Variants in MYEOV observed in about 807,000 individuals in gnomAD.
MYEOV encodes myeloma overexpressed.
A neutral mutation model predicts 4.5 loss-of-function variants in MYEOV; 4 were observed. The observed-to-expected ratio is 0.89, with a 90% CI of 0.44 to 2.03. The LOEUF (loss-of-function observed/expected upper bound fraction) is 2.03, where lower values mean the gene tolerates loss of function less well. MYEOV is among the 30% of genes most tolerant of loss of function. The pLI is 0.03. For missense variants in MYEOV, 408 were observed against 412.8 expected, an observed-to-expected ratio of 0.99 and a Z score of 0.10; for synonymous variants, 184 against 170.3, an observed-to-expected ratio of 1.08 and a Z score of -0.63.
Position 69,297,018 on chromosome 11 carries a change from G to A in MYEOV, c.*626G>A, listed in dbSNP as rs1358381042. 2 of 152,224 alleles carry A rather than the reference G, an allele frequency of 1.3e-5. No individual in the cohort carries two copies. The highest frequency in any genetic ancestry group is 1.5e-5 in the Non-Finnish European group (1 of 68,050). 9.4% of individuals were successfully genotyped at this position (152,224 alleles called of 1,614,324 possible). A position where few individuals can be genotyped will look rare whatever the true frequency, so the allele number is the denominator to read the frequency against. ...AGGGAGAAATCTAAGGCGTCAGAAT[G>A]TAAGGTTCTTATTGGAACCCAGGCT... On this transcript the variant is annotated 3_prime_UTR_variant, in exon 3 of 3. Coordinates refer to ENST00000441339, the MANE Select transcript of MYEOV (RefSeq NM_001293291.2).
Position 69,295,324 on chromosome 11 carries a change from T to C in MYEOV, c.-31T>C. 6.4e-7 allele frequency: 1 copy of C among 1,565,424 alleles called. No individual in the cohort carries two copies. The highest frequency in any genetic ancestry group is 8.7e-7 in the Non-Finnish European group (1 of 1,154,432). The stretch of plus-strand genomic sequence containing the variant: ...ACCTCTAACAACTTCCCCTGGCACT[T>C]AGGACAGCGTCTGGCTCCTTCCCTC... On this transcript the variant is annotated 5_prime_UTR_variant, in exon 2 of 3. It removes the in-frame stop codon of an upstream open reading frame in the 5' UTR. Transcript: ENST00000441339. The surrounding 1 kb of genome is among the most constrained non-coding windows in gnomAD (Gnocchi z 4.1).
At position 69,296,014 on chromosome 11, in the gene MYEOV, T is replaced by C. The variant is rs758817937; in HGVS notation, c.564T>C (p.His188=). 1.4e-5 allele frequency: 22 copies of C among 1,613,976 alleles called. No individual in the cohort carries two copies. The highest frequency in any genetic ancestry group is 1.6e-4 in the Middle Eastern group (1 of 6,084). Residue 188 remains histidine, a synonymous_variant, in exon 3 of 3, where the codon CAT becomes CAC. Transcript: ENST00000441339. ...SSCPEEVHGR[H]GLSMEIMWAR... is the part of the protein sequence containing the mutation. Reference sequence around the variant, plus strand: ...GCCCTGAGGAGGTGCATGGGCGGCATGGGCTCTCCATGGAAATTATGTGGG... The same window carrying C: ...GCCCTGAGGAGGTGCATGGGCGGCACGGGCTCTCCATGGAAATTATGTGGG...
Position 69,296,535 on chromosome 11 carries a change from A to C in MYEOV, c.*143A>C, listed in dbSNP as rs551405039. Reference sequence around the variant, plus strand: ...AGCTCAACAAGTTGCCTAAGTTCCAAGTTTCCTCTCCCAACTCTCCTACCC... The same window carrying C: ...AGCTCAACAAGTTGCCTAAGTTCCACGTTTCCTCTCCCAACTCTCCTACCC... On this transcript the variant is annotated 3_prime_UTR_variant, in exon 3 of 3. Transcript: ENST00000441339. 1.8e-6 allele frequency: 1 copy of C among 562,998 alleles called. No homozygotes were observed. The highest frequency in any genetic ancestry group is 3.1e-5 in the South Asian group (1 of 32,432). 34.9% of individuals were successfully genotyped at this position (562,998 alleles called of 1,614,324 possible). A position where few individuals can be genotyped will look rare whatever the true frequency, so the allele number is the denominator to read the frequency against.
Position 69,295,686 on chromosome 11 carries a change from GC to G in MYEOV, c.238del (p.Leu80SerfsTer11). The G allele has an allele frequency of 6.2e-7, 1 of 1,614,144 alleles. No individual in the cohort carries two copies. The highest frequency in any genetic ancestry group is 8.5e-7 in the Non-Finnish European group (1 of 1,180,034). ...TCCAAAGCCGGCAGATCCCGGGGCC[GC>G]CTCTGTCTCTCCCAGGCCCTGCGTG... ...EGSKAGRSRG[R>X]LCLSQALRVA... On this transcript the variant is annotated frameshift_variant, in exon 3 of 3. Transcript: ENST00000441339. The surrounding 1 kb of genome is among the most constrained non-coding windows in gnomAD (Gnocchi z 4.1).
At position 69,296,276 on chromosome 11, in the gene MYEOV, G is replaced by A. The variant is rs773514356; in HGVS notation, c.826G>A (p.Val276Ile). 3.8e-6 allele frequency: 6 copies of A among 1,572,742 alleles called. No homozygotes were observed. Among genetic ancestry groups the A allele is most frequent in the East Asian group, 4.5e-5 (2 of 44,488 alleles). The stretch of plus-strand genomic sequence containing the variant: ...GGCCCTGGGGGGGTGGCGCATGGGA[G>A]TTAGGAGGACTGGCCAGGTGGGGCC... ...VEALGGWRMG[V>I]RRTGQVGPTM... The change falls in exon 3 of 3, where the codon GTT becomes ATT. Residue 276 changes from valine to isoleucine, a missense_variant. Coordinates refer to ENST00000441339, the MANE Select transcript of MYEOV (RefSeq NM_001293291.2).
chr11:69,296,067 C>T lies in MYEOV; in HGVS notation c.617C>T (p.Pro206Leu). The T allele has an allele frequency of 6.2e-7, 1 of 1,614,174 alleles. No homozygotes were observed. The highest frequency in any genetic ancestry group is 8.5e-7 in the Non-Finnish European group (1 of 1,180,032). Reference sequence around the variant, plus strand: ...CGAATGGATGTGGCTCTGCGCTCACCTGGGCGAGGACTTCTGGCCGGTGCC... The same window carrying T: ...CGAATGGATGTGGCTCTGCGCTCACTTGGGCGAGGACTTCTGGCCGGTGCC... ...WARMDVALRS[P>L]GRGLLAGAGA... is the part of the protein sequence containing the mutation. Residue 206 changes from proline to leucine, a missense_variant, in exon 3 of 3, where the codon CCT becomes CTT. Coordinates refer to ENST00000441339, the MANE Select transcript of MYEOV (RefSeq NM_001293291.2).
At position 69,296,339 on chromosome 11, in the gene MYEOV, C is replaced by G. The variant is rs779995190; in HGVS notation, c.889C>G (p.Leu297Val). ...ACCCCCAGTGTCAGGTGCTTCTCCT[C>G]TCCTCCTCCACCACCTCCTCCTCCT... ...HPPPVSGASP[L>V]LLHHLLLLLL... The change falls in exon 3 of 3, where the codon CTC (leucine) becomes GTC (valine). Residue 297 changes from leucine (L) to valine (V), a missense_variant. By Grantham distance (32) the Leu-to-Val change is conservative. Transcript: ENST00000441339. 10 of 1,501,652 alleles carry G rather than the reference C, an allele frequency of 6.7e-6. No individual in the cohort carries two copies. Among genetic ancestry groups the G allele is most frequent in the Admixed American group, 2.4e-5 (1 of 41,406 alleles). 93.0% of individuals were successfully genotyped at this position (1,501,652 alleles called of 1,614,324 possible). A position where few individuals can be genotyped will look rare whatever the true frequency, so the allele number is the denominator to read the frequency against.
At position 69,295,894 on chromosome 11, in the gene MYEOV, G is replaced by A. The variant is rs1387466625; in HGVS notation, c.444G>A (p.Gly148=). The A allele has an allele frequency of 2.5e-6, 4 of 1,614,192 alleles. No individual in the cohort carries two copies. The highest frequency in any genetic ancestry group is 2.2e-5 in the East Asian group (1 of 44,866). The change falls in exon 3 of 3, where the codon GGG becomes GGA. Residue 148 remains glycine, a synonymous_variant. Transcript: ENST00000441339. This position sits in a 1 kb window ranked among gnomAD's most constrained non-coding sequence, Gnocchi z 4.1. ...DAPQGTLCGT[G]NRNSGSQSAR... ...CACAAGGCACTCTGTGTGGCACTGGGAACAGGAATTCTGGGAGTCAGTCTG... is the reference window on the plus strand; with the variant it reads ...CACAAGGCACTCTGTGTGGCACTGGAAACAGGAATTCTGGGAGTCAGTCTG...
rs778690431 is a variant in MYEOV, at chr11:69,296,180, A to G, written c.730A>G (p.Thr244Ala). ...ATGCCTGACCCTCCACCGGCACCCC[A>G]CCCCTCACTGCTCCACCTGGGGCCT... is the stretch of plus-strand genomic sequence containing the variant. ...RACLTLHRHP[T>A]PHCSTWGLPL... The change falls in exon 3 of 3, where the codon ACC becomes GCC. Residue 244 changes from threonine to alanine, a missense_variant. Thr to Ala is a moderately conservative substitution (Grantham distance 58, BLOSUM62 0). Transcript: ENST00000441339. The G allele has an allele frequency of 6.2e-7, 1 of 1,613,594 alleles. No individual in the cohort carries two copies. Among genetic ancestry groups the G allele is most frequent in the South Asian group, 1.1e-5 (1 of 91,028 alleles).
In MYEOV at chr11:69,295,455, G is replaced by T. The variant is rs759458008; in HGVS notation, c.101G>T (p.Cys34Phe). 1 of 1,614,144 alleles carries T rather than the reference G, an allele frequency of 6.2e-7. No individual in the cohort carries two copies. The highest frequency in any genetic ancestry group is 8.5e-7 in the Non-Finnish European group (1 of 1,180,030). ...GAACAGTCTCCCTCCTGGTGTCATT[G>T]TCTCCGTGGTGTGTCCTTCCTGACC... Reference protein sequence around the residue: ...CLEQSPSWCHCLRGVSFLTFH... With the variant: ...CLEQSPSWCHFLRGVSFLTFH... The change falls in exon 2 of 3, where the codon TGT becomes TTT. Residue 34 changes from cysteine to phenylalanine, a missense_variant. By Grantham distance (205) the Cys-to-Phe change is radical. Transcript: ENST00000441339. This position sits in a 1 kb window ranked among gnomAD's most constrained non-coding sequence, Gnocchi z 4.1.
At position 69,296,346 on chromosome 11, in the gene MYEOV, T is replaced by TCCA. The variant is rs1269810080; in HGVS notation, c.902_904dup (p.His301dup). On this transcript the variant is annotated inframe_insertion, in exon 3 of 3. Coordinates refer to ENST00000441339, the MANE Select transcript of MYEOV (RefSeq NM_001293291.2). ...GTGTCAGGTGCTTCTCCTCTCCTCC[T>TCCA]CCACCACCTCCTCCTCCTCCTCCTC... The TCCA allele has an allele frequency of 3.3e-6, 5 of 1,493,078 alleles. No individual in the cohort carries two copies. The highest frequency in any genetic ancestry group is 4.5e-6 in the Non-Finnish European group (5 of 1,120,904). 92.5% of individuals were successfully genotyped at this position (1,493,078 alleles called of 1,614,324 possible). A position where few individuals can be genotyped will look rare whatever the true frequency, so the allele number is the denominator to read the frequency against.
Position 69,296,198 on chromosome 11 carries a change from T to A in MYEOV, c.748T>A (p.Trp250Arg), listed in dbSNP as rs1855191638. The A allele has an allele frequency of 6.2e-7, 1 of 1,613,010 alleles. No individual in the cohort carries two copies. Among genetic ancestry groups the A allele is most frequent in the South Asian group, 1.1e-5 (1 of 90,954 alleles). ...HRHPTPHCST[W>R]GLPLRVAGSW... The stretch of plus-strand genomic sequence containing the variant: ...GCACCCCACCCCTCACTGCTCCACC[T>A]GGGGCCTGCCTCTGCGGGTGGCTGG... Residue 250 changes from tryptophan to arginine, a missense_variant, in exon 3 of 3, where the codon TGG becomes AGG. Transcript: ENST00000441339.
chr11:69,295,583 TG>T lies in MYEOV; in HGVS notation c.142-8del, dbSNP rs1855159745. ...TGTCTGATTTATTCATCGGTTTTCT[TG>T]TCTGTAGTCTGTCCCCCTTGGGGAC... is the stretch of plus-strand genomic sequence containing the variant. On this transcript the variant is annotated splice_polypyrimidine_tract_variant and splice_region_variant and intron_variant, in intron 2 of 2. Transcript: ENST00000441339. The surrounding 1 kb of genome is among the most constrained non-coding windows in gnomAD (Gnocchi z 4.1). The T allele has an allele frequency of 6.2e-7, 1 of 1,612,448 alleles. No homozygotes were observed. Among genetic ancestry groups the T allele is most frequent in the Non-Finnish European group, 8.5e-7 (1 of 1,179,040 alleles).
intron 1 of MYEOV, among the ~76,000 whole-genome samples, chr11:69,294,942 G>A (rs764722755): frequency 2.0e-5 from 3 of 152,212 alleles, no homozygotes; most frequent in Non-Finnish European, 4.4e-5. Flanking sequence ...GAGGGCAGCC[G>A]TCCCCATGGT....
At position 69,296,141 on chromosome 11, in the gene MYEOV, A is replaced by G; in HGVS notation, c.691A>G (p.Arg231Gly). Residue 231 changes from arginine to glycine, a missense_variant, in exon 3 of 3, where the codon AGG becomes GGG. By Grantham distance (125) the Arg-to-Gly change is moderately radical. Transcript: ENST00000441339. ...LAESSCPDYE[R>G]GRRACLTLHR... is the part of the protein sequence containing the mutation. The stretch of plus-strand genomic sequence containing the variant: ...AGAATCGAGCTGCCCTGACTATGAA[A>G]GGGGAAGAAGAGCATGCCTGACCCT... 1 of 1,614,076 alleles carries G rather than the reference A, an allele frequency of 6.2e-7. No homozygotes were observed. The highest frequency in any genetic ancestry group is 8.5e-7 in the Non-Finnish European group (1 of 1,179,998).
chr11:69,294,948 A>G (rs1015694322), intron 1 of MYEOV, among the ~76,000 whole-genome samples: 2 of 152,120 alleles, frequency 1.3e-5, no homozygotes, highest in Non-Finnish European at 2.9e-5. Context: ...AGCCGTCCCC[A>G]TGGTCCCTAG....
rs1469781848 is a variant in MYEOV at position 69,294,212 on chromosome 11, CAAGT to C, written c.-486_-483del. Reference sequence around the variant, plus strand: ...GCAGGAAAGTATGCTTGGGAGAGGCCAAGTGAGTGGGGAATCAGCCCAAAGCCAG... The same window carrying C: ...GCAGGAAAGTATGCTTGGGAGAGGCCGAGTGGGGAATCAGCCCAAAGCCAG... On this transcript the variant is annotated 5_prime_UTR_variant, in exon 1 of 3. The change abolishes the stop of an existing upstream ORF in the 5' untranslated region. Transcript: ENST00000441339. The C allele has an allele frequency of 6.6e-6, 1 of 152,308 alleles. No individual in the cohort carries two copies. Among genetic ancestry groups the C allele is most frequent in the Non-Finnish European group, 1.5e-5 (1 of 68,104 alleles). 9.4% of individuals were successfully genotyped at this position (152,308 alleles called of 1,614,324 possible). A position where few individuals can be genotyped will look rare whatever the true frequency, so the allele number is the denominator to read the frequency against.
Position 69,295,883 on chromosome 11 carries a change from T to G in MYEOV, c.433T>G (p.Cys145Gly), listed in dbSNP as rs1855172999. 5.6e-6 allele frequency: 9 copies of G among 1,614,058 alleles called. No homozygotes were observed. The highest frequency in any genetic ancestry group is 7.6e-6 in the Non-Finnish European group (9 of 1,179,994). Residue 145 changes from cysteine to glycine, a missense_variant, in exon 3 of 3, where the codon TGT becomes GGT. Transcript: ENST00000441339. This position sits in a 1 kb window ranked among gnomAD's most constrained non-coding sequence, Gnocchi z 4.1. The part of the protein sequence containing the change: ...RVTDAPQGTL[C>G]GTGNRNSGSQ... ...CACAGATGCACCACAAGGCACTCTG[T>G]GTGGCACTGGGAACAGGAATTCTGG... is the stretch of plus-strand genomic sequence containing the variant.
At position 69,296,086 on chromosome 11, in the gene MYEOV, C is replaced by T. The variant is rs751975359; in HGVS notation, c.636C>T (p.Ala212=). ...ALRSPGRGLL[A]GAGALCMTLA... is the part of the protein sequence containing the mutation. ...GCTCACCTGGGCGAGGACTTCTGGC[C>T]GGTGCCGGGGCACTCTGCATGACCC... Residue 212 remains alanine (A), a synonymous_variant, in exon 3 of 3, where the codon GCC becomes GCT. Transcript: ENST00000441339. 2.5e-5 allele frequency: 40 copies of T among 1,614,008 alleles called. No individual in the cohort carries two copies. The highest frequency in any genetic ancestry group is 8.8e-5 in the South Asian group (8 of 91,074).
Sources: gnomAD v4.1 joint callset for allele counts (sites outside exome capture counted in the v4.1 genomes callset) on GRCh38, gnomAD v4.1.1 for gene constraint, Gnocchi (gnomAD v3.1) non-coding constraint, MANE v1.5 for transcripts, NCBI Gene and HGNC (gene_info 2026-07-23, HGNC 2026-07-21) for gene names.